Variants in ATP11C observed in about 807,000 individuals in gnomAD.
The protein encoded by ATP11C is phospholipid-transporting ATPase IG.
Under a neutral mutation model 97.4 loss-of-function variants are expected in ATP11C, and 36 were observed. The ratio of observed to expected loss-of-function variants is 0.37; its 90% confidence interval spans 0.28 to 0.49. The LOEUF is 0.49. ATP11C is among the 20% of genes least tolerant of loss of function. The pLI, the probability that ATP11C is intolerant of heterozygous loss-of-function variation, is 0.98. For missense variants in ATP11C, 730 were observed against 824.6 expected, an observed-to-expected ratio of 0.89 and a Z score of 1.40; for synonymous variants, 275 against 290.9, an observed-to-expected ratio of 0.95 and a Z score of 0.56.
chrX:139,783,427 GTC>G (rs747808166), intron 16 of ATP11C, among the ~76,000 whole-genome samples, 160 bp from the exon 17 acceptor site: 23 of 112,162 alleles, frequency 2.1e-4, no homozygotes, highest in Admixed American at 1.5e-3. Context: ...TTGGCCTTCA[GTC>G]TGTCAGAAAG....
chrX:139,874,252 G>T (rs1280386730), intron 1 of ATP11C, among the ~76,000 whole-genome samples: 69 of 96,328 alleles, frequency 7.2e-4, no homozygotes, highest in Middle Eastern at 5.1e-3. Flanking sequence ...CAGAGACAGG[G>T]TTTCACCATG....
chrX:139,853,997 C>G (rs1186197364), intron 1 of ATP11C, among the ~76,000 whole-genome samples: 1 of 111,778 alleles, frequency 8.9e-6, no homozygotes, highest in Non-Finnish European at 1.9e-5. Flanking sequence ...AATTACCACA[C>G]AAAGGTCTGA....
At chrX:139,855,220 GAAGGCACC>G (rs2147970169) in intron 1 of ATP11C, among the ~76,000 whole-genome samples, 1 of 111,885 alleles carries the variant, frequency 8.9e-6, no homozygotes, top group African/African-American at 3.2e-5. Context: ...TTCTCAGTAA[GAAGGCACC>G]AAGGACTATA....
chrX:139,855,762 AG>A (rs778538747), intron 1 of ATP11C, among the ~76,000 whole-genome samples: 2 of 111,740 alleles, frequency 1.8e-5, no homozygotes, highest in East Asian at 2.8e-4. Flanking sequence ...TCTCTACTTC[AG>A]AAAAGTACCT....
chrX:139,776,574 A>C (rs1199780270), intron 18 of ATP11C, among the ~76,000 whole-genome samples: 2 of 110,712 alleles, frequency 1.8e-5, no homozygotes, highest in African/African-American at 6.6e-5. Flanking sequence ...GAGCTGGTGC[A>C]CCCCTCCTTG....
intron 1 of ATP11C, among the ~76,000 whole-genome samples, chrX:139,894,400 A>C (rs902199249): frequency 8.9e-6 from 1 of 112,262 alleles, no homozygotes. Context: ...AAGAAGACAA[A>C]TACCACATGT....
In ATP11C at chrX:139,798,280, C is replaced by T. The variant is rs753454802; in HGVS notation, c.850G>A (p.Val284Ile). 1.0e-5 allele frequency: 12 copies of T among 1,205,671 alleles called. 1 individual carries two copies. In the South Asian group the frequency reaches 2.2e-4, roughly 22 times the overall value. The stretch of plus-strand genomic sequence containing the variant: ...ATTGTGGCGCATACTAACTTTTCAA[C>T]AGCAGAACGTTTCTGAGATTTCCCT... ...YQGKSQKRSA[V>I]EKSINAFLIV... is the part of the protein sequence containing the mutation. Residue 284 changes from valine (V) to isoleucine (I), a missense_variant, in exon 10 of 30, where the codon GTT becomes ATT. Physicochemically the swap from Val to Ile is conservative, Grantham distance 29. Transcript: ENST00000682941.
chrX:139,782,791 C>T lies in ATP11C; in HGVS notation c.1771-63G>A, dbSNP rs1371357165. On this transcript the variant is annotated intron_variant, in intron 17 of 29. Transcript: ENST00000682941. ...ATAGTTGGAAAAAAAAAAAAACACA[C>T]TCTGTAAATACTCTTGCTTTAGCCA... is the stretch of plus-strand genomic sequence containing the variant. The T allele has an allele frequency of 2.4e-5, 19 of 791,952 alleles. No homozygotes were observed. The East Asian group carries it at 6.2e-4, about 26-fold the overall frequency. 65.3% of individuals were successfully genotyped at this position (791,952 alleles called of 1,213,427 possible). A position where few individuals can be genotyped will look rare whatever the true frequency, so the allele number is the denominator to read the frequency against.
intron 1 of ATP11C, among the ~76,000 whole-genome samples, chrX:139,874,594 A>T (rs1218221775): frequency 8.9e-6 from 1 of 111,971 alleles, no homozygotes; most frequent in Non-Finnish European, 1.9e-5. Flanking sequence ...TTCCAGACTG[A>T]CCAATTATGG....
intron 12 of ATP11C, among the ~76,000 whole-genome samples, chrX:139,791,726 A>G (rs932865542): frequency 9.0e-6 from 1 of 110,883 alleles, no homozygotes. Flanking sequence ...GAGTAGATCG[A>G]CTGTAATTAA....
chrX:139,904,796 C>T (rs1455244161), intron 1 of ATP11C, among the ~76,000 whole-genome samples: 2 of 110,846 alleles, frequency 1.8e-5, no homozygotes, highest in East Asian at 2.9e-4. Context: ...GTGGGAAGAC[C>T]GCACACAGTA....
chrX:139,884,184 A>T (rs762402406), intron 1 of ATP11C, among the ~76,000 whole-genome samples: 62 of 111,737 alleles, frequency 5.5e-4, no homozygotes, highest in African/African-American at 1.9e-3. Context: ...CCAAAGTCCA[A>T]GGCACTGATA....
intron 1 of ATP11C, among the ~76,000 whole-genome samples, chrX:139,908,742 T>C (rs981212440): frequency 1.8e-5 from 2 of 112,389 alleles, no homozygotes; most frequent in Non-Finnish European, 3.8e-5. Context: ...AGATTTTTTA[T>C]TGCTTTCTTA....
At chrX:139,801,930 G>A (rs55837612) in intron 7 of ATP11C, among the ~76,000 whole-genome samples, 1 of 111,407 alleles carries the variant, frequency 9.0e-6, no homozygotes, top group Non-Finnish European at 1.9e-5. Flanking sequence ...TAATTAACTG[G>A]TTACTGCATC....
intron 5 of ATP11C, among the ~76,000 whole-genome samples, chrX:139,812,704 G>A (rs750631012): frequency 9.1e-6 from 1 of 110,322 alleles, no homozygotes; most frequent in South Asian, 4.0e-4. Context: ...TTTTTTTGGA[G>A]AGACAGGGTT....
chrX:139,888,138 A>AT (rs778530689), intron 1 of ATP11C, among the ~76,000 whole-genome samples: 1,191 of 102,011 alleles, frequency 0.012, 19 homozygotes, highest in African/African-American at 0.034. Flanking sequence ...AAGCTGTATA[A>AT]TTTTTTTTTT....
chrX:139,813,442 TG>T (rs1339215172), intron 5 of ATP11C, among the ~76,000 whole-genome samples: 6 of 112,226 alleles, frequency 5.3e-5, no homozygotes, highest in East Asian at 2.8e-4. Context: ...GAATTGAAAA[TG>T]TATGTCCATA....
At chrX:139,923,743 C>A (rs903777016) in intron 1 of ATP11C, among the ~76,000 whole-genome samples, 1 of 111,566 alleles carries the variant, frequency 9.0e-6, no homozygotes, top group Non-Finnish European at 1.9e-5. Flanking sequence ...TACTCCCTGT[C>A]GATATGTGGG....
intron 5 of ATP11C, among the ~76,000 whole-genome samples, chrX:139,813,810 C>G (rs1308080776): frequency 9.0e-6 from 1 of 111,355 alleles, no homozygotes; most frequent in African/African-American, 3.3e-5. Flanking sequence ...GTGAAACTAT[C>G]CTGGTATGAC....
Sources: allele counts gnomAD v4.1 joint callset (sites outside exome capture counted in the v4.1 genomes callset), GRCh38; gene constraint gnomAD v4.1.1; transcripts MANE v1.5; gene names NCBI Gene and HGNC (gene_info 2026-07-23, HGNC 2026-07-21).